HDAC9: variants seen among roughly 807,000 people sequenced by gnomAD.
The protein encoded by HDAC9 is histone deacetylase 9.
A neutral mutation model predicts 139.4 loss-of-function variants in HDAC9; 41 were observed. The observed-to-expected ratio is 0.29, with a 90% CI of 0.23 to 0.38. HDAC9 has a LOEUF of 0.38. HDAC9 is among the 10% of genes least tolerant of loss of function. The pLI, the probability that HDAC9 is intolerant of heterozygous loss-of-function variation, is 1.00. For missense variants in HDAC9, 1,147 were observed against 1,297.0 expected, an observed-to-expected ratio of 0.88 and a Z score of 1.78; for synonymous variants, 517 against 476.2, an observed-to-expected ratio of 1.09 and a Z score of -1.12.
intron 1 of HDAC9, among the ~76,000 whole-genome samples, chr7:18,321,128 G>A (rs1050606187): frequency 1.3e-5 from 2 of 152,190 alleles, no homozygotes; most frequent in African/African-American, 4.8e-5. Context: ...AAGTTCTATA[G>A]ATGTGTCAGA....
intron 12 of HDAC9, among the ~76,000 whole-genome samples, chr7:18,726,655 T>C (rs1438050353): frequency 6.6e-6 from 1 of 151,588 alleles, no homozygotes; most frequent in Non-Finnish European, 1.5e-5. Flanking sequence ...AGATAAAATA[T>C]TCAGTGTAGT....
chr7:18,214,695 T>C (rs941154831), intron 2 of HDAC9, among the ~76,000 whole-genome samples: 8 of 152,104 alleles, frequency 5.3e-5, no homozygotes, highest in African/African-American at 1.9e-4. Flanking sequence ...ATAATGTGTA[T>C]AACATTTACA....
chr7:18,182,610 C>T (rs1789537297), intron 2 of HDAC9, among the ~76,000 whole-genome samples: 1 of 152,184 alleles, frequency 6.6e-6, no homozygotes, highest in Admixed American at 6.5e-5. Flanking sequence ...GAATTATTTT[C>T]ATAAGCCTTG....
At chr7:18,241,407 T>G (rs1187352605) in intron 2 of HDAC9, among the ~76,000 whole-genome samples, 1 of 152,170 alleles carries the variant, frequency 6.6e-6, no homozygotes, top group Non-Finnish European at 1.5e-5. Flanking sequence ...TTGGGAGCTC[T>G]TTTCTTTCTG....
chr7:18,789,286 G>GTGCGCACACACACACACA (rs1554356296), intron 16 of HDAC9, among the ~76,000 whole-genome samples: 4 of 148,396 alleles, frequency 2.7e-5, no homozygotes, highest in Admixed American at 6.7e-5. Flanking sequence ...ACACATACAC[G>GTGCGCACACACACACACA]CACACACACA....
At chr7:18,621,594 G>A (rs1840221030) in intron 6 of HDAC9, among the ~76,000 whole-genome samples, 1 of 151,998 alleles carries the variant, frequency 6.6e-6, no homozygotes, top group South Asian at 2.1e-4. Flanking sequence ...CATGTGCCTA[G>A]AAATTCCCCC....
chr7:18,637,973 A>T (rs1262688022), intron 8 of HDAC9, among the ~76,000 whole-genome samples: 1 of 152,068 alleles, frequency 6.6e-6, no homozygotes, highest in East Asian at 1.9e-4. Flanking sequence ...AGAATTTAGG[A>T]TGATTTTTAC....
chr7:18,360,584 C>A (rs893964460), intron 1 of HDAC9, among the ~76,000 whole-genome samples: 1 of 152,116 alleles, frequency 6.6e-6, no homozygotes, highest in East Asian at 1.9e-4. Context: ...TTAATAAATT[C>A]TTTTCATCTT....
intron 1 of HDAC9, among the ~76,000 whole-genome samples, chr7:18,365,615 G>T (rs906734729): frequency 2.0e-5 from 3 of 149,198 alleles, no homozygotes; most frequent in African/African-American, 7.4e-5. Context: ...TTTTTGAAAG[G>T]CTTGACTTTT....
chr7:18,827,531 T>G (rs905699572), intron 17 of HDAC9, among the ~76,000 whole-genome samples: 12 of 152,168 alleles, frequency 7.9e-5, no homozygotes, highest in African/African-American at 2.9e-4. Context: ...AAAATTTAAT[T>G]TCCAGGGTAG....
chr7:18,812,008 C>G (rs1794213150), intron 17 of HDAC9, among the ~76,000 whole-genome samples: 1 of 151,822 alleles, frequency 6.6e-6, no homozygotes, highest in South Asian at 2.1e-4. Flanking sequence ...TTATGCAATC[C>G]TCCGTATACT....
intron 14 of HDAC9, among the ~76,000 whole-genome samples, chr7:18,758,763 C>G (rs569409540): frequency 1.3e-5 from 2 of 151,140 alleles, no homozygotes; most frequent in East Asian, 4.0e-4. Context: ...CATGCTTTTT[C>G]CAGATCCTGT....
chr7:18,517,973 C>G (rs1287722380), intron 2 of HDAC9: 2 of 152,142 alleles, frequency 1.3e-5, no homozygotes, highest in Non-Finnish European at 2.9e-5. Flanking sequence ...CCAGTTCTTT[C>G]ACTCACATGC....
chr7:18,106,782 C>T (rs1783237884), intron 1 of HDAC9, among the ~76,000 whole-genome samples: 1 of 152,088 alleles, frequency 6.6e-6, no homozygotes, highest in Admixed American at 6.6e-5. Flanking sequence ...CAGAAAAGTC[C>T]TTCCCACTCT....
intron 2 of HDAC9, among the ~76,000 whole-genome samples, chr7:18,281,289 C>T (rs567467330): frequency 1.3e-5 from 2 of 152,316 alleles, no homozygotes; most frequent in Admixed American, 1.3e-4. Flanking sequence ...AGCATCAAAA[C>T]TATTCACTGA....
At chr7:18,412,275 G>T (rs1788638812) in intron 1 of HDAC9, among the ~76,000 whole-genome samples, 3 of 152,000 alleles carry the variant, frequency 2.0e-5, no homozygotes, top group African/African-American at 7.3e-5. Flanking sequence ...GTTTTTTCTT[G>T]CACATTCTTT....
chr7:18,224,130 T>A (rs770974531), intron 2 of HDAC9, among the ~76,000 whole-genome samples: 1 of 152,216 alleles, frequency 6.6e-6, no homozygotes, highest in African/African-American at 2.4e-5. Context: ...ATTGTTCACA[T>A]GTACGTATGA....
chr7:18,957,949 C>T (rs1256370560), intron 24 of HDAC9, among the ~76,000 whole-genome samples: 2 of 152,156 alleles, frequency 1.3e-5, no homozygotes, highest in Admixed American at 6.5e-5. Flanking sequence ...AGGCAAGTCT[C>T]TAGATAGCCT....
At chr7:18,196,475 G>A (rs1490626689) in intron 2 of HDAC9, among the ~76,000 whole-genome samples, 1 of 152,172 alleles carries the variant, frequency 6.6e-6, no homozygotes, top group African/African-American at 2.4e-5. Flanking sequence ...AAGGGAGTAT[G>A]TTGAGGAGCG....
Sources: gnomAD v4.1 joint callset for allele counts (sites outside exome capture counted in the v4.1 genomes callset) on GRCh38, gnomAD v4.1.1 for gene constraint, MANE v1.5 for transcripts, NCBI Gene and HGNC (gene_info 2026-07-23, HGNC 2026-07-21) for gene names.